HSD17B1: variants seen among roughly 807,000 people sequenced by gnomAD.
HSD17B1 encodes the protein 17-beta-hydroxysteroid dehydrogenase type 1.
Under a neutral mutation model 22.7 loss-of-function variants are expected in HSD17B1, and 16 were observed. The observed-to-expected ratio is 0.71, with a 90% CI of 0.48 to 1.07. The LOEUF (loss-of-function observed/expected upper bound fraction) is 1.07, where lower values mean the gene tolerates loss of function less well. Ranked by LOEUF, HSD17B1 falls within the 50% of genes least tolerant of loss-of-function variation. The pLI, the probability that HSD17B1 is intolerant of heterozygous loss-of-function variation, is 0.00. For synonymous variants in HSD17B1, 243 were observed against 211.0 expected (o/e 1.15, Z -1.31); for missense variants, 533 against 459.9 (o/e 1.16, Z -1.45).
In HSD17B1 at chr17:42,555,146, G is replaced by A. The variant is rs2092959290; in HGVS notation, c.*208G>A. On this transcript the variant is annotated 3_prime_UTR_variant, in exon 6 of 6. Coordinates refer to ENST00000585807, the MANE Select transcript of HSD17B1 (RefSeq NM_000413.4). ...GCAGGAGGATCGCTCAAGCCCCGGA[G>A]TTGGAGACCAGCCAGAGCAACACAG... is the stretch of plus-strand genomic sequence containing the variant. 2 of 1,056,576 alleles carry A rather than the reference G, an allele frequency of 1.9e-6. No homozygotes were observed. Among genetic ancestry groups the A allele is most frequent in the African/African-American group, 3.4e-5 (2 of 59,248 alleles). The allele number at this position is 1,056,576 out of a possible 1,614,324, so 65.5% of individuals were successfully genotyped here.
chr17:42,554,817 C>G lies in HSD17B1; in HGVS notation c.866C>G (p.Pro289Arg). 6.2e-7 allele frequency: 1 copy of G among 1,600,124 alleles called. No individual in the cohort carries two copies. Among genetic ancestry groups the G allele is most frequent in the Non-Finnish European group, 8.5e-7 (1 of 1,179,396 alleles). The change falls in exon 6 of 6, where the codon CCG (proline) becomes CGG (arginine). Residue 289 changes from proline (P) to arginine (R), a missense_variant. Pro to Arg is a moderately radical substitution (Grantham distance 103). Coordinates refer to ENST00000585807, the MANE Select transcript of HSD17B1 (RefSeq NM_000413.4). Reference protein sequence around the residue: ...AMHREVFGDVPAKAEAGAEAG... With the variant: ...AMHREVFGDVRAKAEAGAEAG... ...CACCGGGAAGTGTTCGGCGACGTTC[C>G]GGCAAAGGCCGAGGCTGGGGCCGAG...
Position 42,553,518 on chromosome 17 carries a change from T to A in HSD17B1, c.345T>A (p.Asn115Lys). 6.2e-7 allele frequency: 1 copy of A among 1,613,978 alleles called. No individual in the cohort carries two copies. The highest frequency in any genetic ancestry group is 8.5e-7 in the Non-Finnish European group (1 of 1,179,942). The stretch of plus-strand genomic sequence containing the variant: ...CCGTGGCCTCTGTGCTGGACGTGAA[T>A]GTAGTAGGGACTGTGCGGATGCTGC... ...EDAVASVLDV[N>K]VVGTVRMLQA... Residue 115 changes from asparagine (N) to lysine (K), a missense_variant, in exon 3 of 6, where the codon AAT becomes AAA. By Grantham distance (94) the Asn-to-Lys change is moderately conservative. Coordinates refer to ENST00000585807, the MANE Select transcript of HSD17B1 (RefSeq NM_000413.4).
Position 42,555,024 on chromosome 17 carries a change from T to C in HSD17B1, c.*86T>C. On this transcript the variant is annotated 3_prime_UTR_variant, in exon 6 of 6. Coordinates refer to ENST00000585807, the MANE Select transcript of HSD17B1 (RefSeq NM_000413.4). Reference sequence around the variant, plus strand: ...GGGGATGGGGCGGCGGTAGCAGCTGTGGGTGGCTAATTAAGATAGATCGCG... The same window carrying C: ...GGGGATGGGGCGGCGGTAGCAGCTGCGGGTGGCTAATTAAGATAGATCGCG... The C allele has an allele frequency of 1.4e-6, 2 of 1,411,424 alleles. No individual in the cohort carries two copies. The highest frequency in any genetic ancestry group is 1.8e-6 in the Non-Finnish European group (2 of 1,089,504). 87.4% of individuals were successfully genotyped at this position (1,411,424 alleles called of 1,614,324 possible). A position where few individuals can be genotyped will look rare whatever the true frequency, so the allele number is the denominator to read the frequency against.
chr17:42,553,326 C>T (rs375414119), intron 2 of HSD17B1, 35 bp downstream of exon 2: 112 of 1,602,292 alleles, frequency 7.0e-5, no homozygotes, highest in Non-Finnish European at 9.1e-5. Flanking sequence ...CTCCTAGGAG[C>T]CTTCTCCGCC....
rs763306228 is a variant in HSD17B1 at position 42,554,700 on chromosome 17, C to G, written c.749C>G (p.Pro250Arg). 35 of 1,603,494 alleles carry G rather than the reference C, an allele frequency of 2.2e-5. No homozygotes were observed. The Admixed American group carries it at 5.8e-4, about 27-fold the overall frequency. Reference sequence around the variant, plus strand: ...CTCACCGCTTTGCGCGCCCCGAAGCCGACCCTGCGCTACTTCACCACCGAG... The same window carrying G: ...CTCACCGCTTTGCGCGCCCCGAAGCGGACCCTGCGCTACTTCACCACCGAG... ...VFLTALRAPK[P>R]TLRYFTTERF... is the part of the protein sequence containing the mutation. The change falls in exon 6 of 6, where the codon CCG (proline) becomes CGG (arginine). Residue 250 changes from proline to arginine, a missense_variant. Pro to Arg is a moderately radical substitution (Grantham distance 103). Coordinates refer to ENST00000585807, the MANE Select transcript of HSD17B1 (RefSeq NM_000413.4).
At position 42,554,567 on chromosome 17, in the gene HSD17B1, T is replaced by A. The variant is rs12945667; in HGVS notation, c.702T>A (p.Pro234=). Residue 234 remains proline, a synonymous_variant, in exon 5 of 6, where the codon CCT becomes CCA. Transcript: ENST00000585807. ...KQVFREAAQN[P]EEVAEVFLTA... ...TCTTTCGCGAGGCGGCGCAGAACCC[T>A]GAGGAGGTGGCGGAGGTGAGCGCCG... 1 of 1,613,554 alleles carries A rather than the reference T, an allele frequency of 6.2e-7. No individual in the cohort carries two copies. Among genetic ancestry groups the A allele is most frequent in the South Asian group, 1.1e-5 (1 of 91,078 alleles).
chr17:42,554,837 G>C lies in HSD17B1; in HGVS notation c.886G>C (p.Ala296Pro). 6.3e-7 allele frequency: 1 copy of C among 1,594,262 alleles called. No individual in the cohort carries two copies. The highest frequency in any genetic ancestry group is 8.5e-7 in the Non-Finnish European group (1 of 1,177,094). ...GDVPAKAEAG[A>P]EAGGGAGPGA... ...CGTTCCGGCAAAGGCCGAGGCTGGGGCCGAGGCTGGGGGCGGGGCCGGGCC... is the reference window on the plus strand; with the variant it reads ...CGTTCCGGCAAAGGCCGAGGCTGGGCCCGAGGCTGGGGGCGGGGCCGGGCC... Residue 296 changes from alanine to proline, a missense_variant, in exon 6 of 6, where the codon GCC becomes CCC. Transcript: ENST00000585807.
At position 42,554,385 on chromosome 17, in the gene HSD17B1, C is replaced by T. The variant is rs367544499; in HGVS notation, c.540-20C>T. On this transcript the variant is annotated intron_variant, in intron 4 of 5. Coordinates refer to ENST00000585807, the MANE Select transcript of HSD17B1 (RefSeq NM_000413.4). ...TGGCTGGCGTCCGCCCCCTCCCACT[C>T]GTTGCTCTCCGGCCAGCAGCTTGAG... is the stretch of plus-strand genomic sequence containing the variant. The T allele has an allele frequency of 3.2e-5, 51 of 1,583,726 alleles. 1 individual carries two copies. Among genetic ancestry groups the T allele is most frequent in the Non-Finnish European group, 4.2e-5 (49 of 1,161,876 alleles).
chr17:42,552,939 C>T lies in HSD17B1; in HGVS notation c.6C>T (p.Ala2=), dbSNP rs2143141130. 1 of 1,613,928 alleles carries T rather than the reference C, an allele frequency of 6.2e-7. No homozygotes were observed. Among genetic ancestry groups the T allele is most frequent in the Non-Finnish European group, 8.5e-7 (1 of 1,179,912 alleles). M[A]RTVVLITGCS... is the part of the protein sequence containing the mutation. ...CCTCTCCCCACAGTCTCACCATGGC[C>T]CGCACCGTGGTGCTCATCACCGGCT... Residue 2 remains alanine, a synonymous_variant, in exon 1 of 6, where the codon GCC becomes GCT. Transcript: ENST00000585807.
At chr17:42,553,700 G>C in intron 3 of HSD17B1, 82 bp downstream of exon 3, 1 of 1,596,066 alleles carries the variant, frequency 6.3e-7, no homozygotes, top group Non-Finnish European at 8.6e-7. Context: ...CGCGGGGGGG[G>C]TGGAGTGGGG....
chr17:42,554,041 C>T, intron 4 of HSD17B1, 154 bp downstream of exon 4: 1 of 726,440 alleles, frequency 1.4e-6, no homozygotes, highest in Non-Finnish European at 2.4e-6. Context: ...GGGCGCATGG[C>T]ACGCATTGTG....
chr17:42,555,080 G>A lies in HSD17B1; in HGVS notation c.*142G>A. ...CAGTTTTACCAGCGCAGCTAGGCGC[G>A]ATGGCTGTCGCCTGTAATGCCAGCG... On this transcript the variant is annotated 3_prime_UTR_variant, in exon 6 of 6. Coordinates refer to ENST00000585807, the MANE Select transcript of HSD17B1 (RefSeq NM_000413.4). The A allele has an allele frequency of 1.5e-6, 2 of 1,370,332 alleles. No homozygotes were observed. The highest frequency in any genetic ancestry group is 1.8e-5 in the South Asian group (1 of 56,750). The allele number at this position is 1,370,332 out of a possible 1,614,324, so 84.9% of individuals were successfully genotyped here. A position where few individuals can be genotyped will look rare whatever the true frequency, so the allele number is the denominator to read the frequency against.
At chr17:42,553,094 C>T in intron 1 of HSD17B1, 30 bp from the exon 2 acceptor site, 1 of 1,613,936 alleles carries the variant, frequency 6.2e-7, no homozygotes. Context: ...GAAGGGAAGT[C>T]AGATCTTCCT....
chr17:42,554,515 A>C lies in HSD17B1; in HGVS notation c.650A>C (p.Tyr217Ser). ...GACATCCACACCTTCCACCGCTTCT[A>C]CCAATACCTCGCCCACAGCAAGCAA... Reference protein sequence around the residue: ...RTDIHTFHRFYQYLAHSKQVF... With the variant: ...RTDIHTFHRFSQYLAHSKQVF... The change falls in exon 5 of 6, where the codon TAC becomes TCC. Residue 217 changes from tyrosine (Y) to serine (S), a missense_variant. Transcript: ENST00000585807. The C allele has an allele frequency of 6.2e-7, 1 of 1,614,032 alleles. No homozygotes were observed. Among genetic ancestry groups the C allele is most frequent in the South Asian group, 1.1e-5 (1 of 91,076 alleles).
At position 42,554,995 on chromosome 17, in the gene HSD17B1, C is replaced by T; in HGVS notation, c.*57C>T. ...TCTTTGTCCCCTGGGTCTGTGTGGT[C>T]CCTGGGGATGGGGCGGCGGTAGCAG... On this transcript the variant is annotated 3_prime_UTR_variant, in exon 6 of 6. Coordinates refer to ENST00000585807, the MANE Select transcript of HSD17B1 (RefSeq NM_000413.4). 1 of 1,414,936 alleles carries T rather than the reference C, an allele frequency of 7.1e-7. No homozygotes were observed. Among genetic ancestry groups the T allele is most frequent in the Non-Finnish European group, 9.2e-7 (1 of 1,091,622 alleles). The allele number at this position is 1,414,936 out of a possible 1,614,324, so 87.6% of individuals were successfully genotyped here. A position where few individuals can be genotyped will look rare whatever the true frequency, so the allele number is the denominator to read the frequency against.
At position 42,554,386 on chromosome 17, in the gene HSD17B1, G is replaced by T. The variant is rs765973066; in HGVS notation, c.540-19G>T. The T allele has an allele frequency of 3.8e-6, 6 of 1,584,472 alleles. No individual in the cohort carries two copies. The highest frequency in any genetic ancestry group is 1.1e-5 in the South Asian group (1 of 88,886). ...GGCTGGCGTCCGCCCCCTCCCACTCGTTGCTCTCCGGCCAGCAGCTTGAGC... is the reference window on the plus strand; with the variant it reads ...GGCTGGCGTCCGCCCCCTCCCACTCTTTGCTCTCCGGCCAGCAGCTTGAGC... On this transcript the variant is annotated intron_variant, in intron 4 of 5. Coordinates refer to ENST00000585807, the MANE Select transcript of HSD17B1 (RefSeq NM_000413.4).
chr17:42,553,641 G>C (rs1188906901), intron 3 of HSD17B1, 23 bp downstream of exon 3: 2 of 1,598,718 alleles, frequency 1.3e-6, no homozygotes, highest in African/African-American at 1.3e-5. Flanking sequence ...GAGTGGCCTC[G>C]GCAGCTCCAG....
chr17:42,553,506 G>T lies in HSD17B1; in HGVS notation c.333G>T (p.Val111=), dbSNP rs142354430. 8 of 1,613,876 alleles carry T rather than the reference G, an allele frequency of 5.0e-6. No individual in the cohort carries two copies. The African/African-American group carries it at 1.1e-4, about 22-fold the overall frequency. The change falls in exon 3 of 6, where the codon GTG becomes GTT. Residue 111 remains valine, a synonymous_variant. Coordinates refer to ENST00000585807, the MANE Select transcript of HSD17B1 (RefSeq NM_000413.4). ...TGGGGGAGGACGCCGTGGCCTCTGT[G>T]CTGGACGTGAATGTAGTAGGGACTG... ...EALGEDAVAS[V]LDVNVVGTVR...
rs1333385889 is a variant in HSD17B1 at position 42,553,420 on chromosome 17, G to C, written c.266-19G>C. 6.2e-7 allele frequency: 1 copy of C among 1,610,368 alleles called. No individual in the cohort carries two copies. Among genetic ancestry groups the C allele is most frequent in the Non-Finnish European group, 8.5e-7 (1 of 1,179,782 alleles). On this transcript the variant is annotated intron_variant, in intron 2 of 5. Transcript: ENST00000585807. Reference sequence around the variant, plus strand: ...AGGGTGATGCTGAGGCGGGCTGGTCGGGCCTCTTGTCTCCGCAGTGTGTAA... The same window carrying C: ...AGGGTGATGCTGAGGCGGGCTGGTCCGGCCTCTTGTCTCCGCAGTGTGTAA...
Sources: gnomAD v4.1 joint callset for allele counts on GRCh38, gnomAD v4.1.1 for gene constraint, MANE v1.5 for transcripts, NCBI Gene and HGNC (gene_info 2026-07-23, HGNC 2026-07-21) for gene names.